Variants in UGT1A7 observed in about 807,000 individuals in gnomAD.
UGT1A7 encodes UDP-glucuronosyltransferase 1A7.
UGT1A7 carries 33 observed loss-of-function variants against 45.6 expected under a neutral mutation model. The observed-to-expected ratio is 0.72, with a 90% CI of 0.55 to 0.97. UGT1A7 has a LOEUF of 0.97. Among genes scored for constraint, UGT1A7 ranks in the 50% least tolerant of loss-of-function variants. The probability of loss-of-function intolerance (pLI) is 0.00; values close to 1 mark genes in which losing one functional copy is unlikely to be tolerated. For synonymous variants in UGT1A7, 274 were observed against 250.6 expected, an observed-to-expected ratio of 1.09 and a Z score of -0.88; for missense variants, 684 against 666.2, an observed-to-expected ratio of 1.03 and a Z score of -0.29.
At chr2:233,707,609 T>C (rs2075976108) in intron 1 of UGT1A7, among the ~76,000 whole-genome samples, 1 of 152,084 alleles carries the variant, frequency 6.6e-6, no homozygotes, top group African/African-American at 2.4e-5. Flanking sequence ...TTGTAGTTTG[T>C]GGATTGTCAG....
intron 1 of UGT1A7, chr2:233,713,803 C>G: frequency 6.2e-7 from 1 of 1,614,054 alleles, no homozygotes; most frequent in East Asian, 2.2e-5. Context: ...CCGATCATGC[C>G]CAACATGGTC....
rs28898623 is a variant in UGT1A7, at chr2:233,737,700, C to T, written c.856-29334C>T. On this transcript the variant is annotated intron_variant, in intron 1 of 4. Coordinates refer to ENST00000373426, the MANE Select transcript of UGT1A7 (RefSeq NM_019077.3). ...ATTTGGCCATTGGTGCTGAAGCTTC[C>T]GTTCTCCTCTCCAACACCTCCTTTT... Among the ~76,000 whole-genome samples the T allele has an allele frequency of 1.4e-3, 213 of 152,228 alleles. 1 individual carries two copies. The highest frequency in any genetic ancestry group is 4.8e-3 in the African/African-American group (199 of 41,534).
chr2:233,748,145 T>A, intron 1 of UGT1A7: 1 of 1,605,604 alleles, frequency 6.2e-7, no homozygotes, highest in Non-Finnish European at 8.5e-7. Flanking sequence ...TTGTATTTAC[T>A]TACAATTGCT....
At chr2:233,692,597 A>T (rs1335313485) in intron 1 of UGT1A7, among the ~76,000 whole-genome samples, 3 of 152,220 alleles carry the variant, frequency 2.0e-5, no homozygotes, top group African/African-American at 7.2e-5. Context: ...TCCGTGTGCA[A>T]GAAAAATTCC....
chr2:233,743,673 G>A, intron 1 of UGT1A7: 1 of 1,367,190 alleles, frequency 7.3e-7, no homozygotes, highest in South Asian at 1.1e-5. Flanking sequence ...TCCTCGAAGG[G>A]CCTGCCGCCT....
chr2:233,715,201 T>TA (rs991074487), intron 1 of UGT1A7, among the ~76,000 whole-genome samples: 1 of 152,178 alleles, frequency 6.6e-6, no homozygotes, highest in Non-Finnish European at 1.5e-5. Flanking sequence ...TTCTATCTTT[T>TA]AAAAGACCCT....
chr2:233,701,261 T>TCAAAGG (rs978428672), intron 1 of UGT1A7, among the ~76,000 whole-genome samples: 1 of 152,156 alleles, frequency 6.6e-6, no homozygotes, highest in African/African-American at 2.4e-5. Context: ...GGTCAAATGG[T>TCAAAGG]ATTTCTAGTT....
chr2:233,754,139 A>G (rs1695404241), intron 1 of UGT1A7, among the ~76,000 whole-genome samples: 1 of 152,234 alleles, frequency 6.6e-6, no homozygotes, highest in South Asian at 2.1e-4. Flanking sequence ...ATTAAAAGCC[A>G]TCATTAAATT....
intron 1 of UGT1A7, among the ~76,000 whole-genome samples, chr2:233,763,852 CACAG>C (rs1251702771): frequency 6.6e-6 from 1 of 152,136 alleles, no homozygotes; most frequent in Admixed American, 6.5e-5. Flanking sequence ...AGCAGTGGTT[CACAG>C]ACAATCGCAA....
At chr2:233,755,117 C>T (rs1274976698) in intron 1 of UGT1A7, 1 of 1,330,518 alleles carries the variant, frequency 7.5e-7, no homozygotes, top group Admixed American at 1.9e-5. Flanking sequence ...CCTCGTAGGC[C>T]TCAGCCACCT....
At chr2:233,760,463 T>C in intron 1 of UGT1A7, 1 of 1,614,204 alleles carries the variant, frequency 6.2e-7, no homozygotes, top group Non-Finnish European at 8.5e-7. Context: ...GAAATAGTTG[T>C]CCTAGCACCT....
chr2:233,736,073 G>A (rs972063908), intron 1 of UGT1A7, among the ~76,000 whole-genome samples: 1 of 152,142 alleles, frequency 6.6e-6, no homozygotes, highest in Non-Finnish European at 1.5e-5. Flanking sequence ...CTAGGTTTGG[G>A]AAGTTCTCCT....
At chr2:233,735,337 C>CT (rs939538517) in intron 1 of UGT1A7, among the ~76,000 whole-genome samples, 10 of 150,780 alleles carry the variant, frequency 6.6e-5, no homozygotes, top group South Asian at 2.1e-4. Context: ...GCAACCCCTG[C>CT]TTTTTTTTTG....
At chr2:233,758,861 A>G (rs911579331) in intron 1 of UGT1A7, among the ~76,000 whole-genome samples, 2 of 152,228 alleles carry the variant, frequency 1.3e-5, no homozygotes, top group African/African-American at 4.8e-5. Context: ...TGGCTGCACA[A>G]TACTTGCCCC....
chr2:233,754,845 G>C, intron 1 of UGT1A7: 5 of 1,344,470 alleles, frequency 3.7e-6, no homozygotes, highest in Non-Finnish European at 5.0e-6. Context: ...ACTGAAGGCA[G>C]AGAAAAGGGG....
chr2:233,701,378 C>G (rs1424397664), intron 1 of UGT1A7, among the ~76,000 whole-genome samples: 1 of 152,076 alleles, frequency 6.6e-6, no homozygotes, highest in African/African-American at 2.4e-5. Context: ...GACTTAGACT[C>G]CCACACAATA....
intron 1 of UGT1A7, chr2:233,729,375 G>C: frequency 6.2e-7 from 1 of 1,614,010 alleles, no homozygotes; most frequent in Non-Finnish European, 8.5e-7. Context: ...ATGCCATTTC[G>C]TGGACCCAGG....
At chr2:233,705,062 G>C (rs1438271390) in intron 1 of UGT1A7, among the ~76,000 whole-genome samples, 1 of 151,992 alleles carries the variant, frequency 6.6e-6, no homozygotes, top group African/African-American at 2.4e-5. Flanking sequence ...CTTGAACCCG[G>C]GAGGCGGAGG....
chr2:233,690,110 CAT>C lies in UGT1A7; in HGVS notation c.855+7321_855+7322del, dbSNP rs575670687. ...TAAATTGCTCCTGCATCTTATGTCA[CAT>C]ATGTCTTTGTAACTTGGTGAGCTAA... On this transcript the variant is annotated intron_variant, in intron 1 of 4. Coordinates refer to ENST00000373426, the MANE Select transcript of UGT1A7 (RefSeq NM_019077.3). 4.1e-3 allele frequency among the ~76,000 whole-genome samples: 622 copies of C among 152,324 alleles called. 1 individual carries two copies. Among genetic ancestry groups the C allele is most frequent in the Middle Eastern group, 0.01 (3 of 294 alleles).
Sources: gnomAD v4.1 joint callset for allele counts (sites outside exome capture counted in the v4.1 genomes callset) on GRCh38, gnomAD v4.1.1 for gene constraint, MANE v1.5 for transcripts, NCBI Gene and HGNC (gene_info 2026-07-23, HGNC 2026-07-21) for gene names.